The following NPSR1 variants were observed in gnomAD, a reference collection of about 807,000 sequenced individuals.
The protein encoded by NPSR1 is neuropeptide S receptor 1.
In NPSR1, 48 loss-of-function variants were observed where a neutral mutation model predicts 46.9. The observed-to-expected ratio is 1.02, with a 90% CI of 0.81 to 1.30. NPSR1 has a LOEUF of 1.30. Ranked by LOEUF, NPSR1 falls within the 50% of genes most tolerant of loss-of-function variation. NPSR1 has a pLI of 0.00. For synonymous variants in NPSR1, 176 were observed against 168.1 expected, an observed-to-expected ratio of 1.05 and a Z score of -0.36; for missense variants, 450 against 449.5, an observed-to-expected ratio of 1.00 and a Z score of -0.01.
chr7:34,838,098 A>G (rs1399131703), intron 6 of NPSR1, among the ~76,000 whole-genome samples: 1 of 152,068 alleles, frequency 6.6e-6, no homozygotes, highest in Non-Finnish European at 1.5e-5. Context: ...CCTCCACAGC[A>G]GCACCGCCCT....
chr7:34,774,450 G>A (rs185811413), intron 2 of NPSR1, among the ~76,000 whole-genome samples: 4 of 152,286 alleles, frequency 2.6e-5, no homozygotes, highest in Non-Finnish European at 4.4e-5. Context: ...TGTGGGACAC[G>A]TCTGAGTGTA....
chr7:34,818,492 C>T (rs1201924675), intron 4 of NPSR1, among the ~76,000 whole-genome samples: 1 of 152,138 alleles, frequency 6.6e-6, no homozygotes, highest in Non-Finnish European at 1.5e-5. Context: ...GGCCATACTG[C>T]CCAAGGTATT....
chr7:34,659,820 CAG>C (rs764112713), intron 1 of NPSR1, among the ~76,000 whole-genome samples: 2 of 152,180 alleles, frequency 1.3e-5, no homozygotes, highest in Admixed American at 6.5e-5. Context: ...CCTGCAGACC[CAG>C]AGAGTCTGTC....
rs183470526 is a variant in NPSR1, at chr7:34,691,720, C to T, written c.280+7036C>T. On this transcript the variant is annotated intron_variant, in intron 2 of 8. Transcript: ENST00000360581. Reference sequence around the variant, plus strand: ...GGAGAGCCCAGATTTACAAAAATTACGACTACATATAAGAACAAAGATGAA... The same window carrying T: ...GGAGAGCCCAGATTTACAAAAATTATGACTACATATAAGAACAAAGATGAA... Among the ~76,000 whole-genome samples the T allele has an allele frequency of 2.2e-3, 333 of 152,090 alleles. 1 individual carries two copies. Among genetic ancestry groups the T allele is most frequent in the Admixed American group, 4.8e-3 (74 of 15,278 alleles).
intron 2 of NPSR1, chr7:34,751,147 G>C (rs1785500776): frequency 1.1e-6 from 1 of 917,142 alleles, no homozygotes; most frequent in Non-Finnish European, 1.8e-6. Flanking sequence ...TGGCTGAGCA[G>C]GGTCCTGAAG....
rs183314191 is a variant in NPSR1 at position 34,733,202 on chromosome 7, A to G, written c.281-45260A>G. Among the ~76,000 whole-genome samples the G allele has an allele frequency of 3.2e-3, 493 of 152,250 alleles. 7 individuals carry two copies. The highest frequency in any genetic ancestry group is 0.011 in the African/African-American group (477 of 41,562). On this transcript the variant is annotated intron_variant, in intron 2 of 8. Transcript: ENST00000360581. ...TTTGGGAAGCCACAGTGGGTGGATC[A>G]CGAGGTCAGGAGTTCAAGACCAGCC...
intron 2 of NPSR1, among the ~76,000 whole-genome samples, chr7:34,755,916 T>C (rs1209121782): frequency 6.6e-6 from 1 of 152,224 alleles, no homozygotes; most frequent in Non-Finnish European, 1.5e-5. Context: ...GTATTCTCAT[T>C]ATGCCCATGT....
intron 1 of NPSR1, among the ~76,000 whole-genome samples, chr7:34,667,812 C>A (rs979028550): frequency 6.6e-6 from 1 of 151,818 alleles, no homozygotes; most frequent in Non-Finnish European, 1.5e-5. Flanking sequence ...GGACTTTGCA[C>A]GCTCAGTTTT....
At chr7:34,867,697 A>ATG (rs1791345290) in intron 8 of NPSR1, among the ~76,000 whole-genome samples, 1 of 151,928 alleles carries the variant, frequency 6.6e-6, no homozygotes, top group African/African-American at 2.4e-5. Flanking sequence ...CTGGGGAGAC[A>ATG]AATAGAACTA....
chr7:34,725,653 C>T (rs1784107387), intron 2 of NPSR1, among the ~76,000 whole-genome samples: 1 of 152,170 alleles, frequency 6.6e-6, no homozygotes, highest in African/African-American at 2.4e-5. Context: ...CGCCCCATAC[C>T]AGCTGTTTTC....
chr7:34,741,719 C>T (rs1197427051), intron 2 of NPSR1, among the ~76,000 whole-genome samples: 1 of 152,200 alleles, frequency 6.6e-6, no homozygotes, highest in Non-Finnish European at 1.5e-5. Flanking sequence ...AACCAAAACT[C>T]TTCAAGAATA....
chr7:34,694,965 C>G (rs1353961522), intron 2 of NPSR1, among the ~76,000 whole-genome samples: 2 of 152,184 alleles, frequency 1.3e-5, no homozygotes, highest in African/African-American at 4.8e-5. Flanking sequence ...GCCTCAGCCT[C>G]TCAAAGTGCT....
rs553608199 is a variant in NPSR1, at chr7:34,745,267, T to A, written c.281-33195T>A. ...CCTATTCATTATGCCTCTTCACTTC[T>A]CTTTGGTCTATCTCTTTGTCTCTTT... On this transcript the variant is annotated intron_variant, in intron 2 of 8. Transcript: ENST00000360581. Among the ~76,000 whole-genome samples the A allele has an allele frequency of 1.4e-4, 21 of 152,318 alleles. No homozygotes were observed. In the South Asian group the frequency reaches 4.1e-3, roughly 30 times the overall value.
intron 3 of NPSR1, among the ~76,000 whole-genome samples, chr7:34,801,919 T>C (rs887353898): frequency 2.0e-5 from 3 of 149,704 alleles, no homozygotes; most frequent in Non-Finnish European, 2.9e-5. Flanking sequence ...TATACACCAA[T>C]AACAGACAAT....
intron 2 of NPSR1, among the ~76,000 whole-genome samples, chr7:34,762,454 G>T (rs1172507659): frequency 1.3e-5 from 2 of 152,156 alleles, no homozygotes; most frequent in Admixed American, 1.3e-4. Context: ...CCTGACATCA[G>T]GTTGGGCCAT....
chr7:34,694,492 CAA>C (rs1793416402), intron 2 of NPSR1, among the ~76,000 whole-genome samples: 1 of 152,090 alleles, frequency 6.6e-6, no homozygotes, highest in South Asian at 2.1e-4. Flanking sequence ...AGGACAACTA[CAA>C]AAAGTGATGA....
At position 34,831,349 on chromosome 7, in the gene NPSR1, G is replaced by A. The variant is rs1049687533; in HGVS notation, c.681-3035G>A. On this transcript the variant is annotated intron_variant, in intron 5 of 8. Transcript: ENST00000360581. ...CACACACACACACACACAAACACAC[G>A]TGTACACATACTGCTAATATAGAAA... 1.4e-4 allele frequency among the ~76,000 whole-genome samples: 21 copies of A among 150,156 alleles called. No homozygotes were observed. In the South Asian group the frequency reaches 1.5e-3, roughly 11 times the overall value.
At chr7:34,677,651 G>A (rs114175870) in intron 1 of NPSR1, among the ~76,000 whole-genome samples, 1,928 of 152,268 alleles carry the variant, frequency 0.013, 38 homozygotes, top group African/African-American at 0.045. Flanking sequence ...CATTCTGAGG[G>A]AGGGGCCAAC....
chr7:34,729,013 A>G (rs1425311715), intron 2 of NPSR1, among the ~76,000 whole-genome samples: 1 of 152,212 alleles, frequency 6.6e-6, no homozygotes, highest in African/African-American at 2.4e-5. Context: ...ACCTAAGAAC[A>G]TTAATACAGG....
Sources: gnomAD v4.1 joint callset for allele counts (sites outside exome capture counted in the v4.1 genomes callset) on GRCh38, gnomAD v4.1.1 for gene constraint, MANE v1.5 for transcripts, NCBI Gene and HGNC (gene_info 2026-07-23, HGNC 2026-07-21) for gene names.